The following CARM1 variants were observed in gnomAD, a reference collection of about 807,000 sequenced individuals.
CARM1 encodes coactivator associated arginine methyltransferase 1.
CARM1 carries 14 observed loss-of-function variants against 72.7 expected under a neutral mutation model. The observed-to-expected ratio is 0.19, with a 90% CI of 0.13 to 0.30. The LOEUF is 0.30. Ranked by LOEUF, CARM1 falls within the 10% of genes least tolerant of loss-of-function variation. The pLI, the probability that CARM1 is intolerant of heterozygous loss-of-function variation, is 1.00. For synonymous variants in CARM1, 333 were observed against 345.5 expected (o/e 0.96, Z 0.40); for missense variants, 432 against 833.7 (o/e 0.52, Z 5.93).
chr19:10,900,233 G>T (rs1255113837), intron 1 of CARM1, among the ~76,000 whole-genome samples: 1 of 152,154 alleles, frequency 6.6e-6, no homozygotes, highest in African/African-American at 2.4e-5. Flanking sequence ...GATGTCTTGA[G>T]CCTGGGAGGT....
chr19:10,908,333 G>A (rs1045262045), intron 3 of CARM1, among the ~76,000 whole-genome samples, 188 bp downstream of exon 3: 3 of 152,204 alleles, frequency 2.0e-5, no homozygotes, highest in South Asian at 2.1e-4. Flanking sequence ...TCTGTGAAGC[G>A]GAGATGCAGG....
At chr19:10,883,743 A>G (rs983242329) in intron 1 of CARM1, among the ~76,000 whole-genome samples, 1 of 152,102 alleles carries the variant, frequency 6.6e-6, no homozygotes, top group Non-Finnish European at 1.5e-5. Flanking sequence ...ATTGGCTGGG[A>G]GTGGTGGCTC....
chr19:10,911,831 C>A (rs935013870), intron 4 of CARM1, among the ~76,000 whole-genome samples: 2 of 152,230 alleles, frequency 1.3e-5, no homozygotes, highest in African/African-American at 4.8e-5. Flanking sequence ...GACACTGCCA[C>A]CAACAACTCG....
chr19:10,878,315 G>A (rs1458792187), intron 1 of CARM1, among the ~76,000 whole-genome samples: 1 of 152,184 alleles, frequency 6.6e-6, no homozygotes, highest in African/African-American at 2.4e-5. Context: ...GAAGCTTGTA[G>A]ACCCCTGGGA....
chr19:10,894,716 GTT>G (rs71164131), intron 1 of CARM1, among the ~76,000 whole-genome samples: 18 of 135,956 alleles, frequency 1.3e-4, no homozygotes, highest in East Asian at 2.1e-4. Flanking sequence ...ACCTCCTTGT[GTT>G]TTTTTTTTTT....
chr19:10,879,197 G>A (rs546521093), intron 1 of CARM1, among the ~76,000 whole-genome samples: 5 of 152,358 alleles, frequency 3.3e-5, no homozygotes, highest in Admixed American at 6.5e-5. Context: ...CAGCAGGACA[G>A]AGGAAGGGAC....
intron 1 of CARM1, among the ~76,000 whole-genome samples, chr19:10,902,029 A>T (rs1021432976): frequency 6.6e-6 from 1 of 152,064 alleles, no homozygotes; most frequent in Non-Finnish European, 1.5e-5. Context: ...AGAGCGCTTG[A>T]GCTCAGGAGC....
chr19:10,906,809 GTTT>G (rs1324328603), intron 2 of CARM1, among the ~76,000 whole-genome samples: 1 of 151,472 alleles, frequency 6.6e-6, no homozygotes, highest in Non-Finnish European at 1.5e-5. Flanking sequence ...ATATTGTTTT[GTTT>G]TTTACTTGAT....
Position 10,915,250 on chromosome 19 carries a change from C to T in CARM1, c.848-1157C>T, listed in dbSNP as rs2074186002. ...TCCAGGGGCTGTGGGCCCCACTCTC[C>T]TCCCCTTCTGCCCTGATGGTGGGGA... is the stretch of plus-strand genomic sequence containing the variant. On this transcript the variant is annotated intron_variant, in intron 6 of 15. Transcript: ENST00000327064. This position sits in a 1 kb window ranked among gnomAD's most constrained non-coding sequence, Gnocchi z 4.6. Among the ~76,000 whole-genome samples, 2 of 152,126 alleles carry T rather than the reference C, an allele frequency of 1.3e-5. No homozygotes were observed. The highest frequency in any genetic ancestry group is 4.1e-4 in the South Asian group (2 of 4,836).
chr19:10,889,660 A>C (rs1402737969), intron 1 of CARM1, among the ~76,000 whole-genome samples: 1 of 152,080 alleles, frequency 6.6e-6, no homozygotes, highest in African/African-American at 2.4e-5. Flanking sequence ...GTAATCCTAC[A>C]TTCTTGGGGA....
intron 1 of CARM1, among the ~76,000 whole-genome samples, chr19:10,889,344 T>C (rs2073964583): frequency 6.6e-6 from 1 of 150,996 alleles, no homozygotes; most frequent in Admixed American, 6.6e-5. Flanking sequence ...AGACAGAGTC[T>C]CCCTTTGTCA....
chr19:10,914,292 A>G (rs1399226705), intron 6 of CARM1, among the ~76,000 whole-genome samples: 1 of 152,142 alleles, frequency 6.6e-6, no homozygotes, highest in Non-Finnish European at 1.5e-5. Context: ...GGTACACAGG[A>G]TCTCCTGGCA....
In CARM1 at chr19:10,916,618, C is replaced by A; in HGVS notation, c.939-78C>A. 2 of 1,415,938 alleles carry A rather than the reference C, an allele frequency of 1.4e-6. No individual in the cohort carries two copies. Among genetic ancestry groups the A allele is most frequent in the South Asian group, 1.2e-5 (1 of 81,412 alleles). 87.7% of individuals were successfully genotyped at this position (1,415,938 alleles called of 1,614,324 possible). A position where few individuals can be genotyped will look rare whatever the true frequency, so the allele number is the denominator to read the frequency against. On this transcript the variant is annotated intron_variant, in intron 7 of 15. Transcript: ENST00000327064. The surrounding 1 kb of genome is among the most constrained non-coding windows in gnomAD (Gnocchi z 4.4). ...AAGACTTGGGCTAGATGAGGGCTGACTGGGAGAGAAGGCAGGGCTACCCCA... is the reference window on the plus strand; with the variant it reads ...AAGACTTGGGCTAGATGAGGGCTGAATGGGAGAGAAGGCAGGGCTACCCCA...
intron 1 of CARM1, among the ~76,000 whole-genome samples, chr19:10,890,360 C>T (rs1020126645): frequency 6.6e-6 from 1 of 151,192 alleles, no homozygotes; most frequent in African/African-American, 2.4e-5. Flanking sequence ...CTCCGCCTCC[C>T]GGGTTCAAGT....
At chr19:10,913,250 T>A (rs375697195) in intron 5 of CARM1, among the ~76,000 whole-genome samples, 1 of 151,894 alleles carries the variant, frequency 6.6e-6, no homozygotes, top group East Asian at 2.0e-4. Context: ...GATCCACCAC[T>A]GCAACTGGCT....
rs1279084711 is a variant in CARM1 at position 10,905,215 on chromosome 19, A to C, written c.346+139A>C. Reference sequence around the variant, plus strand: ...ACTGCCCTCAAAACCACATTCCCACATGCAGGTATGCCCAGAATACACTCT... The same window carrying C: ...ACTGCCCTCAAAACCACATTCCCACCTGCAGGTATGCCCAGAATACACTCT... On this transcript the variant is annotated intron_variant, in intron 2 of 15. Coordinates refer to ENST00000327064, the MANE Select transcript of CARM1 (RefSeq NM_199141.2). The C allele has an allele frequency of 3.9e-6, 4 of 1,018,194 alleles. No homozygotes were observed. In the Admixed American group the frequency reaches 7.2e-5, roughly 18 times the overall value. 63.1% of individuals were successfully genotyped at this position (1,018,194 alleles called of 1,614,324 possible). A position where few individuals can be genotyped will look rare whatever the true frequency, so the allele number is the denominator to read the frequency against.
At chr19:10,892,500 C>T (rs2073995281) in intron 1 of CARM1, among the ~76,000 whole-genome samples, 2 of 152,184 alleles carry the variant, frequency 1.3e-5, no homozygotes, top group Non-Finnish European at 1.5e-5. Flanking sequence ...AGAGCTTCTC[C>T]GAGGACGACA....
chr19:10,899,073 G>A lies in CARM1; in HGVS notation c.221-5878G>A, dbSNP rs373883953. ...TTTTTTGGTTTGTCAGTATTTCCCA[G>A]GTGTCTTCTGTGTGCCAGGGACTAA... On this transcript the variant is annotated intron_variant, in intron 1 of 15. Coordinates refer to ENST00000327064, the MANE Select transcript of CARM1 (RefSeq NM_199141.2). 7.2e-5 allele frequency among the ~76,000 whole-genome samples: 10 copies of A among 138,894 alleles called. No homozygotes were observed. The South Asian group carries it at 2.0e-3, about 28-fold the overall frequency. The allele number at this position is 138,894 out of a possible 152,430, so 91.1% of individuals were successfully genotyped here.
At chr19:10,890,791 ATATATTTTTTTTTT>A (rs2073981243) in intron 1 of CARM1, among the ~76,000 whole-genome samples, 2 of 99,632 alleles carry the variant, frequency 2.0e-5, no homozygotes, top group South Asian at 6.4e-4. Flanking sequence ...ATATATATAT[ATATATTTTTTTTTT>A]TTTTTTTTTT....
Sources: allele counts gnomAD v4.1 joint callset (sites outside exome capture counted in the v4.1 genomes callset), GRCh38; gene constraint gnomAD v4.1.1; non-coding constraint Gnocchi (gnomAD v3.1); transcripts MANE v1.5; gene names NCBI Gene and HGNC (gene_info 2026-07-23, HGNC 2026-07-21).